Variants in RCC1 observed in about 807,000 individuals in gnomAD.
RCC1 encodes regulator of chromosome condensation 1, also known as regulator of chromosome condensation.
RCC1 carries 11 observed loss-of-function variants against 44.4 expected under a neutral mutation model. That is an observed-to-expected ratio of 0.25 (90% confidence interval 0.16 to 0.41). RCC1 has a LOEUF of 0.41. Ranked by LOEUF, RCC1 falls within the 10% of genes least tolerant of loss-of-function variation. The pLI is 1.00. For missense variants in RCC1, 386 were observed against 547.1 expected (o/e 0.71, Z 2.94); for synonymous variants, 213 against 216.5 (o/e 0.98, Z 0.14).
chr1:28,520,467 G>A (rs1663200508), intron 4 of RCC1, among the ~76,000 whole-genome samples: 1 of 152,156 alleles, frequency 6.6e-6, no homozygotes, highest in Admixed American at 6.6e-5. Flanking sequence ...TCCAGCTCTG[G>A]TGGAGCATGG....
intron 3 of RCC1, among the ~76,000 whole-genome samples, chr1:28,516,307 T>C (rs1450720703): frequency 6.6e-6 from 1 of 151,816 alleles, no homozygotes; most frequent in Middle Eastern, 3.4e-3. Flanking sequence ...AGATCAGGAA[T>C]TCAAGACCAG....
chr1:28,517,754 G>T (rs1662978745), intron 4 of RCC1, among the ~76,000 whole-genome samples: 2 of 151,356 alleles, frequency 1.3e-5, no homozygotes. Context: ...CAACCTCCCT[G>T]GGTTCTCGTG....
chr1:28,522,763 C>T (rs2840764), intron 4 of RCC1, among the ~76,000 whole-genome samples: 3,450 of 151,578 alleles, frequency 0.023, 153 homozygotes, highest in African/African-American at 0.079. Context: ...TGCAGTGAGC[C>T]GTGTACGTGC....
chr1:28,514,156 CAAAA>C (rs1158044888), intron 3 of RCC1, among the ~76,000 whole-genome samples: 15 of 134,952 alleles, frequency 1.1e-4, no homozygotes, highest in East Asian at 2.2e-4. Context: ...GACTCCGTCT[CAAAA>C]AAAAAAAAGG....
chr1:28,514,183 G>C (rs934068605), intron 3 of RCC1, among the ~76,000 whole-genome samples: 1 of 151,766 alleles, frequency 6.6e-6, no homozygotes, highest in Admixed American at 6.6e-5. Flanking sequence ...GGGCCCGGTG[G>C]CTCACGCCTG....
rs138244086 is a variant in RCC1, at chr1:28,526,756, C to T, written c.-9-3102C>T. The T allele has an allele frequency of 1.1e-3, 607 of 538,066 alleles. 1 individual carries two copies. The highest frequency in any genetic ancestry group is 9.4e-3 in the African/African-American group (491 of 52,286). 33.3% of individuals were successfully genotyped at this position (538,066 alleles called of 1,614,324 possible). A position where few individuals can be genotyped will look rare whatever the true frequency, so the allele number is the denominator to read the frequency against. On this transcript the variant is annotated intron_variant, in intron 4 of 12. Coordinates refer to ENST00000683442, the MANE Select transcript of RCC1 (RefSeq NM_001381865.2). Reference sequence around the variant, plus strand: ...ACTAAAAATACAAAAATTAGCCAGGCGTCGTGGCAGGCGCCTGTAATTCCA... The same window carrying T: ...ACTAAAAATACAAAAATTAGCCAGGTGTCGTGGCAGGCGCCTGTAATTCCA...
intron 5 of RCC1, among the ~76,000 whole-genome samples, 178 bp downstream of exon 5, chr1:28,530,117 G>A (rs1664030657): frequency 6.6e-6 from 1 of 150,510 alleles, no homozygotes; most frequent in South Asian, 2.1e-4. Context: ...ATCACAAAGT[G>A]GGCAGAAACT....
At chr1:28,512,266 C>A (rs1183563725) in intron 3 of RCC1, among the ~76,000 whole-genome samples, 2 of 152,146 alleles carry the variant, frequency 1.3e-5, no homozygotes, top group East Asian at 3.9e-4. Context: ...ACTATCCTCA[C>A]CTCCCCTTTC....
At chr1:28,526,300 A>G in intron 4 of RCC1, 1 of 268,256 alleles carries the variant, frequency 3.7e-6, no homozygotes, top group Non-Finnish European at 7.4e-6. Flanking sequence ...AAAACAAACA[A>G]ACAAACAAAC....
chr1:28,520,613 A>C (rs1165915421), intron 4 of RCC1, among the ~76,000 whole-genome samples: 2 of 152,014 alleles, frequency 1.3e-5, no homozygotes, highest in Non-Finnish European at 2.9e-5. Flanking sequence ...GGAGTGCCTG[A>C]TGGTGGAAGC....
At chr1:28,509,120 A>G (rs1009265088) in intron 3 of RCC1, 4 of 330,612 alleles carry the variant, frequency 1.2e-5, no homozygotes, top group Non-Finnish European at 2.4e-5. Context: ...CTCTTTTAAA[A>G]GTCGACCTGT....
chr1:28,511,419 G>C (rs1004256323), intron 3 of RCC1, among the ~76,000 whole-genome samples: 1 of 96,834 alleles, frequency 1.0e-5, no homozygotes, highest in African/African-American at 4.0e-5. Context: ...TTTTTTTTTT[G>C]AGAGGGAGTC....
intron 3 of RCC1, among the ~76,000 whole-genome samples, chr1:28,514,609 A>G (rs901622531): frequency 2.6e-5 from 4 of 151,754 alleles, no homozygotes; most frequent in Non-Finnish European, 5.9e-5. Context: ...TAAAAATACA[A>G]AATTAGCCGG....
chr1:28,531,987 C>T lies in RCC1; in HGVS notation c.258C>T (p.Gly86=), dbSNP rs750809272. 1 of 1,570,798 alleles carries T rather than the reference C, an allele frequency of 6.4e-7. No homozygotes were observed. The highest frequency in any genetic ancestry group is 8.6e-7 in the Non-Finnish European group (1 of 1,160,124). Residue 86 remains glycine (G), a synonymous_variant, in exon 6 of 13, where the codon GGC becomes GGT. Transcript: ENST00000683442. ...ACACCGTGTGTCTAAGCAAAAGTGG[C>T]CAGGTAGGTGTTGGGGACTGGCACA... ...GMHTVCLSKS[G]QVYSFGCNDE...
chr1:28,529,929 G>A lies in RCC1; in HGVS notation c.63G>A (p.Lys21=). The change falls in exon 5 of 13, where the codon AAG becomes AAA. Residue 21 remains lysine, a synonymous_variant. Coordinates refer to ENST00000683442, the MANE Select transcript of RCC1 (RefSeq NM_001381865.2). ...SPPADAIPKS[K]KVKVSHRSHS... ...CAGCAGATGCCATCCCCAAAAGCAAGAAGGTGAAGGGTAAGTTGGCCTTGG... is the reference window on the plus strand; with the variant it reads ...CAGCAGATGCCATCCCCAAAAGCAAAAAGGTGAAGGGTAAGTTGGCCTTGG... The A allele has an allele frequency of 6.2e-7, 1 of 1,613,930 alleles. No individual in the cohort carries two copies. Among genetic ancestry groups the A allele is most frequent in the African/African-American group, 1.3e-5 (1 of 75,020 alleles).
intron 3 of RCC1, among the ~76,000 whole-genome samples, chr1:28,514,124 G>GCCATTACACT: frequency 6.6e-6 from 1 of 151,096 alleles, no homozygotes; most frequent in Non-Finnish European, 1.5e-5. Context: ...CTGAGATCGT[G>GCCATTACACT]CCAGCCTAGG....
intron 4 of RCC1, chr1:28,526,443 A>G (rs1663669922): frequency 1.8e-5 from 9 of 501,748 alleles, no homozygotes. Context: ...TGCGATGTTT[A>G]TGTGGCCCAA....
intron 7 of RCC1, chr1:28,532,618 G>A: frequency 3.9e-6 from 2 of 517,934 alleles, no homozygotes; most frequent in Non-Finnish European, 7.3e-6. Context: ...GCTGATCCAG[G>A]AGGCCTGCTG....
intron 2 of RCC1, chr1:28,508,579 G>A (rs969589261): frequency 1.9e-6 from 1 of 518,482 alleles, no homozygotes; most frequent in Non-Finnish European, 3.8e-6. Flanking sequence ...TACCCTGGGA[G>A]GTCACTCTCC....
Sources: allele counts gnomAD v4.1 joint callset (sites outside exome capture counted in the v4.1 genomes callset), GRCh38; gene constraint gnomAD v4.1.1; transcripts MANE v1.5; gene names NCBI Gene and HGNC (gene_info 2026-07-23, HGNC 2026-07-21).